Variants in BCAS1 observed in about 807,000 individuals in gnomAD.
The protein encoded by BCAS1 is brain enriched myelin associated protein 1, also known as breast carcinoma-amplified sequence 1.
A neutral mutation model predicts 65.4 loss-of-function variants in BCAS1; 46 were observed. That is an observed-to-expected ratio of 0.70 (90% confidence interval 0.55 to 0.90). The LOEUF (loss-of-function observed/expected upper bound fraction) is 0.90. BCAS1 is among the 40% of genes least tolerant of loss of function. The pLI is 0.00. For missense variants in BCAS1, 793 were observed against 771.2 expected (o/e 1.03, Z -0.33); for synonymous variants, 298 against 293.5 (o/e 1.02, Z -0.16).
chr20:54,056,611 A>T lies in BCAS1; in HGVS notation c.142+1474T>A, dbSNP rs532072986. ...TACCCTAAAGCTATGATTTTTTTTT[A>T]AAAGAACCTTCTACAGAGCCCCCAA... On this transcript the variant is annotated intron_variant, in intron 3 of 12. Transcript: ENST00000688948. Among the ~76,000 whole-genome samples the T allele has an allele frequency of 1.7e-3, 258 of 152,212 alleles. 2 individuals are homozygous for T. Among genetic ancestry groups the T allele is most frequent in the African/African-American group, 5.9e-3 (246 of 41,542 alleles).
At chr20:53,979,514 A>G (rs2090423845) in intron 8 of BCAS1, among the ~76,000 whole-genome samples, 1 of 152,228 alleles carries the variant, frequency 6.6e-6, no homozygotes, top group African/African-American at 2.4e-5. Flanking sequence ...ATGGAAGGAA[A>G]AGGTTTTCTG....
At chr20:54,014,454 A>G (rs1436951540) in intron 4 of BCAS1, among the ~76,000 whole-genome samples, 1 of 152,180 alleles carries the variant, frequency 6.6e-6, no homozygotes, top group Non-Finnish European at 1.5e-5. Context: ...TCTTTCAACT[A>G]TTGTCAGCTG....
chr20:54,005,151 T>C (rs1172423281), intron 4 of BCAS1, among the ~76,000 whole-genome samples: 2 of 144,342 alleles, frequency 1.4e-5, no homozygotes, highest in African/African-American at 2.5e-5. Flanking sequence ...TAGGGACAAG[T>C]ACTCTGATAA....
intron 8 of BCAS1, among the ~76,000 whole-genome samples, chr20:53,978,606 GGATTAAATGCTTC>G (rs2090397541): frequency 2.0e-5 from 3 of 152,174 alleles, no homozygotes; most frequent in Non-Finnish European, 4.4e-5. Context: ...ACTATGTAAA[GGATTAAATGCTTC>G]TCAGATTGTG....
chr20:53,982,856 C>A (rs1031794268), intron 8 of BCAS1, among the ~76,000 whole-genome samples: 1 of 152,078 alleles, frequency 6.6e-6, no homozygotes, highest in Admixed American at 6.6e-5. Context: ...CAACTTAGCA[C>A]AAATAAAGTA....
intron 12 of BCAS1, among the ~76,000 whole-genome samples, chr20:53,952,154 A>T (rs1374521949): frequency 6.6e-6 from 1 of 152,276 alleles, no homozygotes; most frequent in Non-Finnish European, 1.5e-5. Flanking sequence ...ATCGAAGGGT[A>T]ACAATTTCAA....
At chr20:54,027,024 G>C (rs371963553) in intron 4 of BCAS1, among the ~76,000 whole-genome samples, 5 of 113,534 alleles carry the variant, frequency 4.4e-5, no homozygotes, top group African/African-American at 1.6e-4. Context: ...ACTCAGTAAA[G>C]AGCAGATGCC....
intron 1 of BCAS1, among the ~76,000 whole-genome samples, chr20:54,060,569 G>A (rs968357997): frequency 2.0e-5 from 3 of 151,204 alleles, no homozygotes; most frequent in Non-Finnish European, 2.9e-5. Context: ...TGATCCACCC[G>A]CCTTGGCCTC....
intron 4 of BCAS1, among the ~76,000 whole-genome samples, chr20:53,998,267 C>T (rs980356147): frequency 2.6e-5 from 4 of 152,000 alleles, no homozygotes; most frequent in African/African-American, 7.3e-5. Context: ...TTTTAATGGA[C>T]GATTGTATTG....
At chr20:54,006,960 A>T (rs1001758803) in intron 4 of BCAS1, among the ~76,000 whole-genome samples, 3 of 152,168 alleles carry the variant, frequency 2.0e-5, no homozygotes, top group Non-Finnish European at 4.4e-5. Flanking sequence ...TCAGGTGGTG[A>T]GGGCTGCTAA....
intron 8 of BCAS1, among the ~76,000 whole-genome samples, chr20:53,982,068 A>G (rs2276506): frequency 0.33 from 50,044 of 152,008 alleles, 8,909 homozygotes; most frequent in African/African-American, 0.44. Flanking sequence ...ACACTGTGAG[A>G]AAAACACAGT....
chr20:54,063,810 G>C (rs893461862), intron 1 of BCAS1, among the ~76,000 whole-genome samples: 1 of 151,658 alleles, frequency 6.6e-6, no homozygotes, highest in African/African-American at 2.4e-5. Flanking sequence ...TTCTCAAAAA[G>C]GAGAAAAATA....
chr20:53,973,819 G>A (rs1218620263), intron 9 of BCAS1, among the ~76,000 whole-genome samples: 2 of 152,114 alleles, frequency 1.3e-5, no homozygotes, highest in Non-Finnish European at 2.9e-5. Context: ...GAAGGAAGGA[G>A]GAAGGAAGGA....
chr20:54,068,021 G>A (rs6068763), intron 1 of BCAS1, among the ~76,000 whole-genome samples: 5,872 of 152,282 alleles, frequency 0.039, 163 homozygotes, highest in Middle Eastern at 0.085. Flanking sequence ...GTGTGTGCCC[G>A]CACAGTGCTA....
In BCAS1 at chr20:53,944,105, G is replaced by A. The variant is rs905167462; in HGVS notation, c.*817C>T. ...ACAAGGACCCTATTTGAAAAACAACGCTTATTCATTCCTTTTTCTATACCC... is the reference window on the plus strand; with the variant it reads ...ACAAGGACCCTATTTGAAAAACAACACTTATTCATTCCTTTTTCTATACCC... On this transcript the variant is annotated 3_prime_UTR_variant, in exon 13 of 13. Coordinates refer to ENST00000688948, the MANE Select transcript of BCAS1 (RefSeq NM_001366298.2). 1 of 151,900 alleles carries A rather than the reference G, an allele frequency of 6.6e-6. No individual in the cohort carries two copies. Among genetic ancestry groups the A allele is most frequent in the Admixed American group, 6.6e-5 (1 of 15,236 alleles). 9.4% of individuals were successfully genotyped at this position (151,900 alleles called of 1,614,324 possible).
chr20:54,014,792 G>C (rs944294050), intron 4 of BCAS1, among the ~76,000 whole-genome samples: 2 of 152,164 alleles, frequency 1.3e-5, no homozygotes, highest in African/African-American at 4.8e-5. Context: ...CGAGCACAGA[G>C]GGTTCGATTT....
chr20:53,985,217 G>T (rs544610609), intron 8 of BCAS1, 70 bp downstream of exon 8: 2 of 1,426,548 alleles, frequency 1.4e-6, no homozygotes, highest in African/African-American at 1.4e-5. Flanking sequence ...ACAACAGTTA[G>T]CCCAATAGAA....
intron 1 of BCAS1, among the ~76,000 whole-genome samples, chr20:54,064,180 C>T (rs1207979792): frequency 1.3e-5 from 2 of 152,328 alleles, no homozygotes; most frequent in East Asian, 1.9e-4. Flanking sequence ...ATCCCCATGC[C>T]CAGGCCCCTG....
intron 7 of BCAS1, among the ~76,000 whole-genome samples, chr20:53,989,844 A>C (rs888629540): frequency 6.6e-6 from 1 of 152,262 alleles, no homozygotes; most frequent in Non-Finnish European, 1.5e-5. Flanking sequence ...ATATTAATTT[A>C]AGATCAGCAA....
Sources: gnomAD v4.1 joint callset for allele counts (sites outside exome capture counted in the v4.1 genomes callset) on GRCh38, gnomAD v4.1.1 for gene constraint, MANE v1.5 for transcripts, NCBI Gene and HGNC (gene_info 2026-07-23, HGNC 2026-07-21) for gene names.